The following CA6 variants were observed in gnomAD, a reference collection of about 807,000 sequenced individuals.
The protein encoded by CA6 is carbonic anhydrase 6, also known as carbonate dehydratase VI.
A neutral mutation model predicts 35.9 loss-of-function variants in CA6; 28 were observed. The ratio of observed to expected loss-of-function variants is 0.78; its 90% CI spans 0.58 to 1.07. The LOEUF (loss-of-function observed/expected upper bound fraction) is 1.07. Among genes scored for constraint, CA6 ranks in the 50% least tolerant of loss-of-function variants. The pLI, the probability that CA6 is intolerant of heterozygous loss-of-function variation, is 0.00. For missense variants in CA6, 377 were observed against 382.0 expected, an observed-to-expected ratio of 0.99 and a Z score of 0.11; for synonymous variants, 148 against 152.6, an observed-to-expected ratio of 0.97 and a Z score of 0.22.
At chr1:8,951,655 C>G in intron 2 of CA6, 1 of 765,104 alleles carries the variant, frequency 1.3e-6, no homozygotes, top group Non-Finnish European at 2.4e-6. Context: ...GGGCTTGCAG[C>G]GGCTCCCGCC....
chr1:8,971,649 G>A (rs543076027), intron 7 of CA6, among the ~76,000 whole-genome samples: 2 of 152,134 alleles, frequency 1.3e-5, no homozygotes, highest in Admixed American at 6.5e-5. Context: ...TATTTCCTGC[G>A]CATCTTGATC....
chr1:8,967,349 G>T (rs181169421), intron 5 of CA6, among the ~76,000 whole-genome samples: 2 of 152,200 alleles, frequency 1.3e-5, no homozygotes, highest in African/African-American at 2.4e-5. Flanking sequence ...CTTTCCAGAC[G>T]TTATTCCTTC....
intron 1 of CA6, among the ~76,000 whole-genome samples, chr1:8,948,528 T>A (rs967961803): frequency 6.6e-6 from 1 of 151,610 alleles, no homozygotes; most frequent in Non-Finnish European, 1.5e-5. Flanking sequence ...GGGGGCTGTG[T>A]TCCTGTTGGG....
intron 7 of CA6, 50 bp from the exon 8 acceptor site, chr1:8,974,572 T>C: frequency 6.8e-7 from 1 of 1,466,044 alleles, no homozygotes; most frequent in South Asian, 1.2e-5. Flanking sequence ...TCTGTTTTTG[T>C]GAGGACTGTA....
At chr1:8,959,931 C>CAAAAAGAAAAA (rs1639792378) in intron 4 of CA6, among the ~76,000 whole-genome samples, 2 of 75,184 alleles carry the variant, frequency 2.7e-5, no homozygotes, top group Non-Finnish European at 4.7e-5. Flanking sequence ...GATTCTATCT[C>CAAAAAGAAAAA]AAAAAAAAAA....
chr1:8,972,214 A>AT (rs1557634361), intron 7 of CA6, among the ~76,000 whole-genome samples: 4 of 151,180 alleles, frequency 2.6e-5, no homozygotes, highest in Admixed American at 6.6e-5. Context: ...CACCCAGCTA[A>AT]TTTTTTTTGT....
intron 2 of CA6, chr1:8,951,595 G>A: frequency 1.3e-6 from 1 of 765,194 alleles, no homozygotes; most frequent in Non-Finnish European, 2.4e-6. Flanking sequence ...TTCGTGCTGA[G>A]GGCCCAGAAG....
At chr1:8,971,204 G>GACAGCT (rs959636595) in intron 7 of CA6, among the ~76,000 whole-genome samples, 7 of 152,040 alleles carry the variant, frequency 4.6e-5, no homozygotes, top group Admixed American at 4.6e-4. Flanking sequence ...AATCAGAAGC[G>GACAGCT]ACAGCTACGT....
At chr1:8,964,252 T>A (rs1557629419) in intron 5 of CA6, among the ~76,000 whole-genome samples, 1 of 152,174 alleles carries the variant, frequency 6.6e-6, no homozygotes, top group Non-Finnish European at 1.5e-5. Context: ...TCTCTCTCTC[T>A]CTTTTTTCTT....
chr1:8,965,027 T>C (rs1639934084), intron 5 of CA6, among the ~76,000 whole-genome samples: 1 of 152,120 alleles, frequency 6.6e-6, no homozygotes, highest in Admixed American at 6.6e-5. Flanking sequence ...GCTGATCACC[T>C]GAGGTCAGGA....
At chr1:8,948,351 T>G (rs1051644599) in intron 1 of CA6, among the ~76,000 whole-genome samples, 2 of 152,120 alleles carry the variant, frequency 1.3e-5, no homozygotes, top group African/African-American at 4.8e-5. Flanking sequence ...TTTCTCCTTA[T>G]GAATTTTAAA....
chr1:8,957,254 A>T lies in CA6; in HGVS notation c.377A>T (p.His126Leu). Residue 126 changes from histidine to leucine, a missense_variant, in exon 3 of 8, where the codon CAC (histidine) becomes CTC (leucine). Physicochemically the swap from His to Leu is moderately conservative, Grantham distance 99. Coordinates refer to ENST00000377443, the MANE Select transcript of CA6 (RefSeq NM_001215.4). ...GASSEISGSE[H>L]TVDGIRHVIE... ...TCCTCGGAGATCAGCGGCTCTGAGC[A>T]CACCGTGGACGGGATCAGACATGTG... 1.2e-6 allele frequency: 2 copies of T among 1,613,904 alleles called. No homozygotes were observed. The highest frequency in any genetic ancestry group is 1.7e-6 in the Non-Finnish European group (2 of 1,179,868).
rs1000659538 is a variant in CA6, at chr1:8,974,787, A to T, written c.*83A>T. The T allele has an allele frequency of 4.1e-6, 3 of 739,050 alleles. No individual in the cohort carries two copies. The highest frequency in any genetic ancestry group is 6.5e-6 in the Non-Finnish European group (3 of 459,966). 45.8% of individuals were successfully genotyped at this position (739,050 alleles called of 1,614,324 possible). ...TGCCTGTCCGCTGCAGCCGCACCCT[A>T]CCTTGTCTAAGAAACCATGTGTGTC... On this transcript the variant is annotated 3_prime_UTR_variant, in exon 8 of 8. Coordinates refer to ENST00000377443, the MANE Select transcript of CA6 (RefSeq NM_001215.4).
chr1:8,970,205 C>CA lies in CA6; in HGVS notation c.730-640dup, dbSNP rs57388930. 6.0e-3 allele frequency among the ~76,000 whole-genome samples: 526 copies of CA among 87,494 alleles called. 3 individuals are homozygous for CA. The highest frequency in any genetic ancestry group is 0.017 in the East Asian group (52 of 3,028). 57.4% of individuals were successfully genotyped at this position (87,494 alleles called of 152,430 possible). A position where few individuals can be genotyped will look rare whatever the true frequency, so the allele number is the denominator to read the frequency against. On this transcript the variant is annotated intron_variant, in intron 6 of 7. Coordinates refer to ENST00000377443, the MANE Select transcript of CA6 (RefSeq NM_001215.4). ...TGGCGACAGAGCGAGACTCTGGTCT[C>CA]AAAAAAAAAAAAAAAAAAAAAAGAG...
intron 3 of CA6, among the ~76,000 whole-genome samples, chr1:8,957,785 C>CGAA (rs1259780351): frequency 1.3e-5 from 1 of 79,316 alleles, no homozygotes; most frequent in Non-Finnish European, 2.7e-5. Flanking sequence ...CTTGTGTCTA[C>CGAA]AAAAAAAAAA....
chr1:8,949,986 G>C (rs901144845), intron 2 of CA6, among the ~76,000 whole-genome samples: 8 of 151,908 alleles, frequency 5.3e-5, no homozygotes, highest in Non-Finnish European at 7.4e-5. Context: ...TGTAAATTTT[G>C]TTTATTTTTT....
chr1:8,970,473 A>G (rs1640078932), intron 6 of CA6, among the ~76,000 whole-genome samples: 1 of 152,100 alleles, frequency 6.6e-6, no homozygotes, highest in Admixed American at 6.6e-5. Context: ...TCAGGGTTAT[A>G]TAAATCCAAA....
intron 1 of CA6, among the ~76,000 whole-genome samples, chr1:8,947,940 G>A (rs1184445735): frequency 6.6e-6 from 1 of 151,612 alleles, no homozygotes; most frequent in Non-Finnish European, 1.5e-5. Flanking sequence ...TGCCTCCTGG[G>A]TTCAAGTGAT....
chr1:8,958,375 T>C (rs1287485559), intron 3 of CA6, among the ~76,000 whole-genome samples: 1 of 151,358 alleles, frequency 6.6e-6, no homozygotes, highest in Non-Finnish European at 1.5e-5. Context: ...GCCATGTTGG[T>C]CAGGCTGGTC....
Sources: gnomAD v4.1 joint callset for allele counts (sites outside exome capture counted in the v4.1 genomes callset) on GRCh38, gnomAD v4.1.1 for gene constraint, MANE v1.5 for transcripts, NCBI Gene and HGNC (gene_info 2026-07-23, HGNC 2026-07-21) for gene names.